The following NRXN1 variants were observed in gnomAD, a reference collection of about 807,000 sequenced individuals.
NRXN1 encodes the protein neurexin-1.
Under a neutral mutation model 150.9 loss-of-function variants are expected in NRXN1, and 39 were observed. That is an observed-to-expected ratio of 0.26 (90% CI 0.20 to 0.34). NRXN1 has a LOEUF of 0.34. Among genes scored for constraint, NRXN1 ranks in the 10% least tolerant of loss-of-function variants. The pLI is 1.00. For missense variants in NRXN1, 1,815 were observed against 1,949.9 expected (o/e 0.93, Z 1.30); for synonymous variants, 924 against 757.0 (o/e 1.22, Z -3.62).
At chr2:50,241,075 A>T (rs1296210999) in intron 17 of NRXN1, among the ~76,000 whole-genome samples, 1 of 151,618 alleles carries the variant, frequency 6.6e-6, no homozygotes, top group Non-Finnish European at 1.5e-5. Flanking sequence ...CTTTTATGTA[A>T]ACTCATTATA....
At chr2:50,588,241 CT>C (rs1013208525) in intron 8 of NRXN1, among the ~76,000 whole-genome samples, 2 of 152,206 alleles carry the variant, frequency 1.3e-5, no homozygotes, top group Admixed American at 6.5e-5. Flanking sequence ...GAATAAGCTG[CT>C]TTTTTTAACA....
intron 5 of NRXN1, among the ~76,000 whole-genome samples, chr2:50,860,565 T>C (rs896717816): frequency 6.6e-6 from 1 of 152,042 alleles, no homozygotes; most frequent in African/African-American, 2.4e-5. Context: ...TGTGGGCACT[T>C]GGGAAGAGGA....
intron 18 of NRXN1, among the ~76,000 whole-genome samples, chr2:50,108,255 A>G (rs1490976972): frequency 6.6e-6 from 1 of 152,082 alleles, no homozygotes; most frequent in African/African-American, 2.4e-5. Context: ...ACACACACAC[A>G]AATCCATTGA....
rs774912947 is a variant in NRXN1 at position 50,138,641 on chromosome 2, T to G, written c.3547-47147A>C. Among the ~76,000 whole-genome samples the G allele has an allele frequency of 3.9e-4, 59 of 152,232 alleles. 1 individual carries two copies. The highest frequency in any genetic ancestry group is 2.6e-4 in the Non-Finnish European group (18 of 68,046). ...TATTTCATTCCCCTTCTCACATCTA[T>G]TACTTATTTTCCTTTCTCAATTAGT... On this transcript the variant is annotated intron_variant, in intron 18 of 22. Coordinates refer to ENST00000401669, the MANE Select transcript of NRXN1 (RefSeq NM_001330078.2).
chr2:50,107,507 A>G (rs990506111), intron 18 of NRXN1, among the ~76,000 whole-genome samples: 1 of 139,822 alleles, frequency 7.2e-6, no homozygotes, highest in Admixed American at 7.4e-5. Context: ...GTCACATGCT[A>G]CATTCCAGAC....
intron 5 of NRXN1, among the ~76,000 whole-genome samples, chr2:50,659,018 G>C (rs910023496): frequency 7.2e-5 from 11 of 151,984 alleles, no homozygotes; most frequent in African/African-American, 2.7e-4. Flanking sequence ...GTGACGGCAG[G>C]AAGCACTGCT....
intron 21 of NRXN1, among the ~76,000 whole-genome samples, chr2:50,020,133 C>A (rs1687348319): frequency 6.6e-6 from 1 of 151,936 alleles, no homozygotes; most frequent in Admixed American, 6.6e-5. Flanking sequence ...ATTTTACACT[C>A]AAAACTCAAG....
rs1334212150 is a variant in NRXN1, at chr2:50,323,592, T to TAA, written c.3365-86624_3365-86623dup. 2.6e-3 allele frequency among the ~76,000 whole-genome samples: 396 copies of TAA among 150,292 alleles called. 33 individuals carry two copies. Among genetic ancestry groups the TAA allele is most frequent in the East Asian group, 0.012 (59 of 5,108 alleles). ...TAAACTATATATATATATATATATA[T>TAA]AACTTAGCAGATTCAAATTTTATTT... is the stretch of plus-strand genomic sequence containing the variant. On this transcript the variant is annotated intron_variant, in intron 17 of 22. Transcript: ENST00000401669.
At chr2:50,832,716 A>T (rs1394466008) in intron 5 of NRXN1, among the ~76,000 whole-genome samples, 1 of 152,198 alleles carries the variant, frequency 6.6e-6, no homozygotes, top group Non-Finnish European at 1.5e-5. Flanking sequence ...GTTGGAGCTC[A>T]ATGCAGAACT....
intron 16 of NRXN1, among the ~76,000 whole-genome samples, chr2:50,469,150 A>C (rs975351456): frequency 2.2e-4 from 34 of 151,630 alleles, no homozygotes; most frequent in African/African-American, 8.2e-4. Context: ...GCTCTATCTC[A>C]GATCTATTGA....
At chr2:50,972,513 G>A (rs1277336733) in intron 2 of NRXN1, among the ~76,000 whole-genome samples, 1 of 152,104 alleles carries the variant, frequency 6.6e-6, no homozygotes, top group Non-Finnish European at 1.5e-5. Context: ...GTTTCAGGAT[G>A]ATTCAAACAC....
intron 18 of NRXN1, among the ~76,000 whole-genome samples, chr2:50,130,323 G>A (rs13427317): frequency 0.08 from 12,198 of 151,966 alleles, 662 homozygotes; most frequent in Non-Finnish European, 0.11. Context: ...AAACAAGCAG[G>A]GGGCAGCTTT....
chr2:50,681,943 C>G (rs141533702), intron 5 of NRXN1, among the ~76,000 whole-genome samples: 1 of 152,290 alleles, frequency 6.6e-6, no homozygotes, highest in East Asian at 1.9e-4. Context: ...AAGCCTCATG[C>G]TGTCTCATCT....
At chr2:49,947,601 A>G (rs1034564715) in intron 21 of NRXN1, among the ~76,000 whole-genome samples, 5 of 148,430 alleles carry the variant, frequency 3.4e-5, no homozygotes, top group Admixed American at 2.1e-4. Context: ...GCCTCAAGCA[A>G]TACTCCTACC....
Position 50,523,765 on chromosome 2 carries a change from G to A in NRXN1, c.2374+4860C>T, listed in dbSNP as rs189089612. On this transcript the variant is annotated intron_variant, in intron 12 of 22. Transcript: ENST00000401669. ...TCTTCCCTATACCCAAGTCAAAAGC[G>A]AGGTCAAGTACTTGTCCTTAGATGC... Among the ~76,000 whole-genome samples the A allele has an allele frequency of 2.3e-3, 355 of 152,260 alleles. 3 individuals are homozygous for A. Among genetic ancestry groups the A allele is most frequent in the African/African-American group, 8.0e-3 (333 of 41,554 alleles).
intron 8 of NRXN1, among the ~76,000 whole-genome samples, chr2:50,618,727 A>T (rs1201009250): frequency 6.6e-6 from 1 of 151,130 alleles, no homozygotes; most frequent in East Asian, 1.9e-4. Flanking sequence ...AGCTCTTATA[A>T]TAGCACAAAA....
chr2:50,405,004 C>T (rs1445691045), intron 17 of NRXN1, among the ~76,000 whole-genome samples: 1 of 152,088 alleles, frequency 6.6e-6, no homozygotes, highest in African/African-American at 2.4e-5. Flanking sequence ...AAAACACACC[C>T]TTGACAAACG....
At chr2:50,977,081 T>A (rs1397394444) in intron 2 of NRXN1, among the ~76,000 whole-genome samples, 1 of 151,970 alleles carries the variant, frequency 6.6e-6, no homozygotes, top group Non-Finnish European at 1.5e-5. Flanking sequence ...AAACCCTCAG[T>A]TAAAATGACA....
At chr2:50,485,558 G>C (rs1284268900) in intron 15 of NRXN1, among the ~76,000 whole-genome samples, 1 of 152,210 alleles carries the variant, frequency 6.6e-6, no homozygotes. Context: ...GAATGGAACG[G>C]AAATGAGAGC....
Sources: allele counts gnomAD v4.1 joint callset (sites outside exome capture counted in the v4.1 genomes callset), GRCh38; gene constraint gnomAD v4.1.1; transcripts MANE v1.5; gene names NCBI Gene and HGNC (gene_info 2026-07-23, HGNC 2026-07-21).